Variants in ADAM2 observed in about 807,000 individuals in gnomAD.
The protein encoded by ADAM2 is ADAM metallopeptidase domain 2, also known as disintegrin and metalloproteinase domain-containing protein 2.
Under a neutral mutation model 99.3 loss-of-function variants are expected in ADAM2, and 101 were observed. That is an observed-to-expected ratio of 1.02 (90% CI 0.87 to 1.20). The LOEUF (loss-of-function observed/expected upper bound fraction) is 1.20. ADAM2 is among the 50% of genes most tolerant of loss of function. The pLI, the probability that ADAM2 is intolerant of heterozygous loss-of-function variation, is 0.00. For missense variants in ADAM2, 948 were observed against 878.7 expected (o/e 1.08, Z -1.00); for synonymous variants, 323 against 287.6 (o/e 1.12, Z -1.25).
At position 39,771,367 on chromosome 8, in the gene ADAM2, GTTAC is replaced by G. The variant is rs1802773953; in HGVS notation, c.1029-1796_1029-1793del. 2.0e-5 allele frequency among the ~76,000 whole-genome samples: 3 copies of G among 152,224 alleles called. No individual in the cohort carries two copies. The South Asian group carries it at 6.2e-4, about 32-fold the overall frequency. ...CAGAATATTTACCAACAACTGGAATGTTACTAATTTAATCATTCATTAACTATCT... is the reference window on the plus strand; with the variant it reads ...CAGAATATTTACCAACAACTGGAATGTAATTTAATCATTCATTAACTATCT... On this transcript the variant is annotated intron_variant, in intron 11 of 20. Coordinates refer to ENST00000265708, the MANE Select transcript of ADAM2 (RefSeq NM_001464.5).
At position 39,821,131 on chromosome 8, in the gene ADAM2, T is replaced by C. The variant is rs573417907; in HGVS notation, c.384A>G (p.Glu128=). ...LQFENVSYGI[E]PLESSVGFEH... is the part of the protein sequence containing the mutation. ...CAAAGCCAACTGAAGACTCCAGGGG[T>C]TCTATTCCATAACTAACATTTTCAA... The change falls in exon 6 of 21, where the codon GAA becomes GAG. Residue 128 remains glutamate, a synonymous_variant. Coordinates refer to ENST00000265708, the MANE Select transcript of ADAM2 (RefSeq NM_001464.5). 3.2e-5 allele frequency: 52 copies of C among 1,605,030 alleles called. 1 individual carries two copies. In the South Asian group the frequency reaches 4.3e-4, roughly 13 times the overall value.
At chr8:39,809,546 C>A in intron 6 of ADAM2, 80 bp from the exon 7 acceptor site, 1 of 636,740 alleles carries the variant, frequency 1.6e-6, no homozygotes, top group Non-Finnish European at 2.8e-6. Context: ...TATTAATGAA[C>A]TAAATATTGA....
At chr8:39,810,851 A>G (rs1013570450) in intron 6 of ADAM2, among the ~76,000 whole-genome samples, 10 of 152,278 alleles carry the variant, frequency 6.6e-5, no homozygotes, top group African/African-American at 2.2e-4. Context: ...TAAAATTGAC[A>G]CCCTAACATC....
intron 7 of ADAM2, among the ~76,000 whole-genome samples, chr8:39,800,073 C>T (rs1403416913): frequency 6.6e-6 from 1 of 150,894 alleles, no homozygotes; most frequent in African/African-American, 2.5e-5. Context: ...TCACATGGTG[C>T]TATTTGGTTA....
At chr8:39,768,624 A>C (rs991446073) in intron 12 of ADAM2, among the ~76,000 whole-genome samples, 14 of 152,210 alleles carry the variant, frequency 9.2e-5, no homozygotes, top group Admixed American at 8.5e-4. Flanking sequence ...CCATAGTGAA[A>C]GCTTTAAAAT....
At chr8:39,823,676 T>C (rs978552814) in intron 4 of ADAM2, among the ~76,000 whole-genome samples, 2 of 152,076 alleles carry the variant, frequency 1.3e-5, no homozygotes, top group East Asian at 3.9e-4. Context: ...CTCTATCTTC[T>C]GTCCTCTCTC....
intron 3 of ADAM2, among the ~76,000 whole-genome samples, chr8:39,832,820 A>C (rs1805670874): frequency 8.4e-6 from 1 of 119,032 alleles, no homozygotes; most frequent in African/African-American, 3.7e-5. Context: ...TGTGTGCAAG[A>C]AAATAACCAC....
At chr8:39,798,869 A>AT (rs1291416091) in intron 7 of ADAM2, among the ~76,000 whole-genome samples, 2 of 151,778 alleles carry the variant, frequency 1.3e-5, no homozygotes, top group African/African-American at 4.8e-5. Flanking sequence ...TTGTATTTCC[A>AT]TGGGGTCAGT....
At chr8:39,752,709 G>A (rs988096562) in intron 16 of ADAM2, among the ~76,000 whole-genome samples, 1 of 152,130 alleles carries the variant, frequency 6.6e-6, no homozygotes, top group African/African-American at 2.4e-5. Flanking sequence ...CCTGGTGGGA[G>A]GTAATTGAAT....
chr8:39,837,299 C>T (rs746698930), intron 1 of ADAM2, 87 bp from the exon 2 acceptor site: 5 of 783,594 alleles, frequency 6.4e-6, no homozygotes, highest in Non-Finnish European at 1.0e-5. Context: ...TCTCTAATCT[C>T]TATTCTATAC....
chr8:39,814,859 A>C (rs549488974), intron 6 of ADAM2, among the ~76,000 whole-genome samples: 2 of 150,836 alleles, frequency 1.3e-5, no homozygotes, highest in South Asian at 4.1e-4. Context: ...TAATATATAT[A>C]TTATATGTGA....
intron 7 of ADAM2, among the ~76,000 whole-genome samples, chr8:39,798,889 C>T (rs10106311): frequency 0.47 from 71,357 of 151,730 alleles, 17,101 homozygotes; most frequent in South Asian, 0.67. Context: ...TGGTGATATC[C>T]CCTTTATCAT....
At chr8:39,750,884 CA>C (rs1218493662) in intron 16 of ADAM2, among the ~76,000 whole-genome samples, 3 of 152,082 alleles carry the variant, frequency 2.0e-5, no homozygotes, top group Non-Finnish European at 4.4e-5. Flanking sequence ...TGCACTCATA[CA>C]AATACTCAAA....
At chr8:39,813,009 C>T (rs1369435222) in intron 6 of ADAM2, among the ~76,000 whole-genome samples, 1 of 152,178 alleles carries the variant, frequency 6.6e-6, no homozygotes, top group Non-Finnish European at 1.5e-5. Context: ...AAAAGTTTTA[C>T]AATCTAACCA....
chr8:39,800,950 T>A (rs1804182158), intron 7 of ADAM2, among the ~76,000 whole-genome samples: 1 of 152,156 alleles, frequency 6.6e-6, no homozygotes, highest in African/African-American at 2.4e-5. Context: ...GTTCTTAGCT[T>A]CTTTGCATTA....
intron 14 of ADAM2, among the ~76,000 whole-genome samples, chr8:39,761,975 T>C (rs990671609): frequency 6.6e-6 from 1 of 152,072 alleles, no homozygotes; most frequent in African/African-American, 2.4e-5. Flanking sequence ...TCCCAGCTAC[T>C]TGGGAGGCTG....
chr8:39,823,717 A>G (rs1181406033), intron 4 of ADAM2, among the ~76,000 whole-genome samples: 1 of 151,754 alleles, frequency 6.6e-6, no homozygotes, highest in Admixed American at 6.6e-5. Context: ...ACACATACGC[A>G]CACACACATA....
At chr8:39,778,926 T>C (rs1259831073) in intron 10 of ADAM2, among the ~76,000 whole-genome samples, 1 of 152,124 alleles carries the variant, frequency 6.6e-6, no homozygotes, top group African/African-American at 2.4e-5. Flanking sequence ...TTTTCTCCTG[T>C]TTCCTGTTAT....
At chr8:39,814,779 G>T (rs968974617) in intron 6 of ADAM2, among the ~76,000 whole-genome samples, 1 of 151,604 alleles carries the variant, frequency 6.6e-6, no homozygotes, top group Non-Finnish European at 1.5e-5. Flanking sequence ...AGAAAATTTG[G>T]ACTGGGACTG....
Sources: allele counts gnomAD v4.1 joint callset (sites outside exome capture counted in the v4.1 genomes callset), GRCh38; gene constraint gnomAD v4.1.1; transcripts MANE v1.5; gene names NCBI Gene and HGNC (gene_info 2026-07-23, HGNC 2026-07-21).